SNED1: variants seen among roughly 807,000 people sequenced by gnomAD.
SNED1 encodes the protein sushi, nidogen and EGF like domains 1, also known as sushi, nidogen and EGF-like domain-containing protein 1.
SNED1 carries 81 observed loss-of-function variants against 166.7 expected under a neutral mutation model. The observed-to-expected ratio is 0.49, with a 90% CI of 0.41 to 0.58. The LOEUF is 0.58. SNED1 is among the 20% of genes least tolerant of loss of function. The pLI, the probability that SNED1 is intolerant of heterozygous loss-of-function variation, is 0.00. For synonymous variants in SNED1, 762 were observed against 822.0 expected (o/e 0.93, Z 1.25); for missense variants, 1,604 against 2,000.2 (o/e 0.80, Z 3.78).
In SNED1 at chr2:241,091,593, A is replaced by G. The variant is rs1575164928; in HGVS notation, c.*2-45A>G. ...GCAGCCCATTTAAAGAGGAGTGGGA[A>G]TGCCTGTCATTCTCCTCATGCTTCA... On this transcript the variant is annotated intron_variant, in intron 31 of 31. Transcript: ENST00000310397. The surrounding 1 kb of genome is among the most constrained non-coding windows in gnomAD (Gnocchi z 4.1). 6.6e-6 allele frequency: 1 copy of G among 152,342 alleles called. No homozygotes were observed. Among genetic ancestry groups the G allele is most frequent in the East Asian group, 1.9e-4 (1 of 5,190 alleles). 9.4% of individuals were successfully genotyped at this position (152,342 alleles called of 1,614,324 possible). A position where few individuals can be genotyped will look rare whatever the true frequency, so the allele number is the denominator to read the frequency against.
intron 29 of SNED1, among the ~76,000 whole-genome samples, chr2:241,084,126 C>G (rs368956581): frequency 7.1e-6 from 1 of 140,662 alleles, no homozygotes; most frequent in East Asian, 2.1e-4. Context: ...ATGATGGCAG[C>G]GTCTAGGATT....
At chr2:241,072,055 G>A in intron 26 of SNED1, 177 bp downstream of exon 26, 1 of 710,496 alleles carries the variant, frequency 1.4e-6, no homozygotes, top group Non-Finnish European at 2.5e-6. Context: ...CCGGCAGCAT[G>A]CACCTCCATG....
At chr2:241,072,150 A>C in intron 26 of SNED1, 1 of 676,264 alleles carries the variant, frequency 1.5e-6, no homozygotes, top group Non-Finnish European at 2.7e-6. Flanking sequence ...GAGAAGATAA[A>C]CATTTTAGAA....
In SNED1 at chr2:241,064,791, GC is replaced by G; in HGVS notation, c.2600-52del. The G allele has an allele frequency of 1.5e-6, 2 of 1,332,808 alleles. No homozygotes were observed. Among genetic ancestry groups the G allele is most frequent in the Non-Finnish European group, 2.0e-6 (2 of 985,426 alleles). 82.6% of individuals were successfully genotyped at this position (1,332,808 alleles called of 1,614,324 possible). A position where few individuals can be genotyped will look rare whatever the true frequency, so the allele number is the denominator to read the frequency against. ...CCCCAGGAGCAAGGGCGGGGCTGGA[GC>G]AGGGACCCCTGGCCACGCCCCAACA... On this transcript the variant is annotated intron_variant, in intron 19 of 31. Transcript: ENST00000310397. This position sits in a 1 kb window ranked among gnomAD's most constrained non-coding sequence, Gnocchi z 7.0.
intron 17 of SNED1, among the ~76,000 whole-genome samples, chr2:241,063,190 C>T (rs12995841): frequency 0.029 from 4,356 of 152,252 alleles, 132 homozygotes; most frequent in East Asian, 0.12. Context: ...GACACCTGGT[C>T]GGTGCTTCCA....
At position 240,999,036 on chromosome 2, in the gene SNED1, C is replaced by T. The variant is rs2059997378; in HGVS notation, c.199C>T (p.His67Tyr). ...GCCCTTCCCGTTCTTCGGTGCCGAG[C>T]ACTCCGGACTCTACGTGAGTAACCC... Reference protein sequence around the residue: ...SVPFPFFGAEHSGLYVNNNGI... With the variant: ...SVPFPFFGAEYSGLYVNNNGI... Residue 67 changes from histidine (H) to tyrosine (Y), a missense_variant, in exon 1 of 32, where the codon CAC becomes TAC. Physicochemically the swap from His to Tyr is moderately conservative, Grantham distance 83 (BLOSUM62 2). Around this residue, in one of 2 missense-constraint regions of SNED1, gnomAD observed 1,237 missense variants for 1,620.8 expected, o/e 0.76. Transcript: ENST00000310397. This position sits in a 1 kb window ranked among gnomAD's most constrained non-coding sequence, Gnocchi z 5.8. 2.3e-6 allele frequency: 3 copies of T among 1,318,462 alleles called. No individual in the cohort carries two copies. The highest frequency in any genetic ancestry group is 2.9e-6 in the Non-Finnish European group (3 of 1,029,340). 81.7% of individuals were successfully genotyped at this position (1,318,462 alleles called of 1,614,324 possible).
chr2:241,005,440 G>A (rs2060196733), intron 1 of SNED1, among the ~76,000 whole-genome samples: 1 of 151,866 alleles, frequency 6.6e-6, no homozygotes. Context: ...CTGGCCTCAA[G>A]TGACCTGCCT....
rs1239105531 is a variant in SNED1, at chr2:241,064,666, G to C, written c.2600-178G>C. 6.6e-6 allele frequency among the ~76,000 whole-genome samples: 1 copy of C among 152,204 alleles called. No homozygotes were observed. The highest frequency in any genetic ancestry group is 2.4e-5 in the African/African-American group (1 of 41,458). On this transcript the variant is annotated intron_variant, in intron 19 of 31. Transcript: ENST00000310397. The surrounding 1 kb of genome is among the most constrained non-coding windows in gnomAD (Gnocchi z 7.0). ...GCTGTGGAGGGTGGAGGAGCTGCTGGGTTGGGCCCCGCAGGGCAGTGGAGG... is the reference window on the plus strand; with the variant it reads ...GCTGTGGAGGGTGGAGGAGCTGCTGCGTTGGGCCCCGCAGGGCAGTGGAGG...
intron 1 of SNED1, among the ~76,000 whole-genome samples, chr2:241,023,888 CTTTTT>C (rs34234341): frequency 1.1e-5 from 1 of 91,994 alleles, no homozygotes. Flanking sequence ...TTTTTTTTTC[CTTTTT>C]TTTTTTTTTT....
intron 2 of SNED1, among the ~76,000 whole-genome samples, chr2:241,031,156 G>A (rs2061156218): frequency 6.6e-6 from 1 of 152,068 alleles, no homozygotes; most frequent in African/African-American, 2.4e-5. Flanking sequence ...GTTTGTTCAT[G>A]CATTTAATAA....
At chr2:241,040,662 G>A (rs2061498369) in intron 8 of SNED1, among the ~76,000 whole-genome samples, 1 of 152,162 alleles carries the variant, frequency 6.6e-6, no homozygotes, top group Admixed American at 6.5e-5. Context: ...GTGTGAGGCT[G>A]AGCAACCCCT....
At chr2:241,046,519 G>A (rs1322543123) in intron 8 of SNED1, among the ~76,000 whole-genome samples, 1 of 152,164 alleles carries the variant, frequency 6.6e-6, no homozygotes, top group Admixed American at 6.5e-5. Context: ...GGATCTCAGG[G>A]GAATTATGCT....
intron 1 of SNED1, among the ~76,000 whole-genome samples, chr2:241,012,264 C>A (rs2060432344): frequency 6.6e-6 from 1 of 152,238 alleles, no homozygotes; most frequent in African/African-American, 2.4e-5. Context: ...CCACTTGTCA[C>A]TTCTAACCCT....
intron 21 of SNED1, 40 bp downstream of exon 21, chr2:241,065,635 GC>G: frequency 6.3e-7 from 1 of 1,581,562 alleles, no homozygotes; most frequent in Non-Finnish European, 8.6e-7. Context: ...CCCAGCCCCT[GC>G]CCCTCGAGGG....
chr2:241,037,791 C>T (rs888790614), intron 6 of SNED1, among the ~76,000 whole-genome samples: 2 of 152,204 alleles, frequency 1.3e-5, no homozygotes, highest in Non-Finnish European at 2.9e-5. Context: ...GCAGGAAGGG[C>T]ACAGCCACAC....
At chr2:241,053,443 C>A in intron 16 of SNED1, 117 bp downstream of exon 16, 1 of 1,011,672 alleles carries the variant, frequency 9.9e-7, no homozygotes, top group South Asian at 1.6e-5. Flanking sequence ...CTGACCTGGT[C>A]CTGCCCCTGC....
intron 3 of SNED1, among the ~76,000 whole-genome samples, chr2:241,034,141 A>G (rs1040332969): frequency 3.3e-5 from 5 of 152,162 alleles, no homozygotes; most frequent in African/African-American, 1.2e-4. Context: ...AGCAACAGAA[A>G]TGTCCTCTGC....
chr2:241,061,202 GA>G (rs1028892131), intron 16 of SNED1, among the ~76,000 whole-genome samples: 2 of 148,578 alleles, frequency 1.3e-5, no homozygotes, highest in East Asian at 2.0e-4. Context: ...TAGGAAAATA[GA>G]AAAAAAAACA....
At position 241,030,485 on chromosome 2, in the gene SNED1, C is replaced by G. The variant is rs1324755501; in HGVS notation, c.415C>G (p.Pro139Ala). 1 of 1,613,948 alleles carries G rather than the reference C, an allele frequency of 6.2e-7. No individual in the cohort carries two copies. Among genetic ancestry groups the G allele is most frequent in the Non-Finnish European group, 8.5e-7 (1 of 1,179,890 alleles). The change falls in exon 2 of 32, where the codon CCC becomes GCC. Residue 139 changes from proline (P) to alanine (A), a missense_variant. Around this residue, in one of 2 missense-constraint regions of SNED1, gnomAD observed 1,237 missense variants for 1,620.8 expected, o/e 0.76. Coordinates refer to ENST00000310397, the MANE Select transcript of SNED1 (RefSeq NM_001080437.3). ...RATEDVRHYFPELLDFNATWV... is the reference protein window; with the variant it reads ...RATEDVRHYFAELLDFNATWV... ...CACGGAGGACGTCAGGCACTACTTCCCCGAGCTCCTGGACTTCAATGCCAC... is the reference window on the plus strand; with the variant it reads ...CACGGAGGACGTCAGGCACTACTTCGCCGAGCTCCTGGACTTCAATGCCAC...
Sources: gnomAD v4.1 joint callset for allele counts (sites outside exome capture counted in the v4.1 genomes callset) on GRCh38, gnomAD v4.1.1 for gene constraint, gnomAD v4.1.1 regional missense constraint, Gnocchi (gnomAD v3.1) non-coding constraint, MANE v1.5 for transcripts, NCBI Gene and HGNC (gene_info 2026-07-23, HGNC 2026-07-21) for gene names.